Variants in PUDP observed in about 807,000 individuals in gnomAD.
PUDP encodes pseudouridine 5'-phosphatase.
PUDP carries 8 observed loss-of-function variants against 9.4 expected under a neutral mutation model. The ratio of observed to expected loss-of-function variants is 0.85; its 90% CI spans 0.50 to 1.53. The LOEUF is 1.53. Among genes scored for constraint, PUDP ranks in the 40% most tolerant of loss-of-function variants. PUDP has a pLI of 0.00. For synonymous variants in PUDP, 99 were observed against 80.7 expected, an observed-to-expected ratio of 1.23 and a Z score of -1.22; for missense variants, 188 against 189.7, an observed-to-expected ratio of 0.99 and a Z score of 0.05.
At chrX:7,117,118 C>T in intron 1 of PUDP, 3 of 1,107,421 alleles carry the variant, frequency 2.7e-6, no homozygotes, top group Non-Finnish European at 3.6e-6. Context: ...CAAGCACGGC[C>T]TAATACAGAA....
At chrX:6,934,073 G>C (rs1440153362) in intron 3 of PUDP, among the ~76,000 whole-genome samples, 2 of 99,943 alleles carry the variant, frequency 2.0e-5, no homozygotes, top group African/African-American at 7.4e-5. Flanking sequence ...GTATTATCCA[G>C]GAGAACTTCC....
intron 3 of PUDP, among the ~76,000 whole-genome samples, chrX:6,934,470 C>T (rs994499756): frequency 1.8e-5 from 2 of 109,791 alleles, no homozygotes; most frequent in East Asian, 2.9e-4. Flanking sequence ...CCTAAAAGAG[C>T]TCCTGAAGGA....
intron 3 of PUDP, among the ~76,000 whole-genome samples, chrX:6,815,056 C>G (rs1035837996): frequency 9.0e-6 from 1 of 110,573 alleles, no homozygotes; most frequent in Admixed American, 9.7e-5. Flanking sequence ...GACAACACGA[C>G]GGCTTCATGT....
At chrX:6,834,983 T>C (rs1926559842) in intron 3 of PUDP, among the ~76,000 whole-genome samples, 1 of 110,965 alleles carries the variant, frequency 9.0e-6, no homozygotes, top group Non-Finnish European at 1.9e-5. Flanking sequence ...ATTCAAACCA[T>C]AGCAAAAGGT....
At chrX:7,117,301 G>A (rs1487568116) in intron 1 of PUDP, among the ~76,000 whole-genome samples, 3 of 112,150 alleles carry the variant, frequency 2.7e-5, no homozygotes, top group Admixed American at 9.5e-5. Flanking sequence ...TGATCAAAAT[G>A]CTGATAGTGA....
At position 6,735,338 on chromosome X, in the gene PUDP, T is replaced by C. The variant is rs576615062; in HGVS notation, c.*248-28872A>G. On this transcript the variant is annotated intron_variant and NMD_transcript_variant, in intron 3 of 3. Coordinates refer to the PUDP transcript ENST00000655425. Reference sequence around the variant, plus strand: ...TGTCCACACTGCCCTCTTCTCCAGATGTTTTCAGTGACCAACCACCTCGGA... The same window carrying C: ...TGTCCACACTGCCCTCTTCTCCAGACGTTTTCAGTGACCAACCACCTCGGA... Among the ~76,000 whole-genome samples the C allele has an allele frequency of 2.7e-4, 30 of 111,472 alleles. No homozygotes were observed. In the South Asian group the frequency reaches 0.012, roughly 43 times the overall value.
chrX:7,087,756 G>C (rs761309340), intron 2 of PUDP, among the ~76,000 whole-genome samples: 43 of 112,218 alleles, frequency 3.8e-4, no homozygotes, highest in Non-Finnish European at 7.1e-4. Flanking sequence ...ACAAACAGTT[G>C]CAAGAGTCCA....
At chrX:6,925,810 CTCTG>C (rs1209590633) in intron 3 of PUDP, among the ~76,000 whole-genome samples, 2 of 111,518 alleles carry the variant, frequency 1.8e-5, no homozygotes, top group Admixed American at 9.6e-5. Context: ...AGCAGTAAGG[CTCTG>C]TCTAAAACCT....
rs1929651231 is a variant in PUDP at position 7,022,760 on chromosome X, T to A, written c.205-44417A>T. On this transcript the variant is annotated intron_variant and NMD_transcript_variant, in intron 1 of 3. Transcript: ENST00000655425. ...ACATATAAGTAAAGGAGGGATTTCC[T>A]CTTCTGGCCAAGAAGGAATAACATA... 2.7e-5 allele frequency among the ~76,000 whole-genome samples: 3 copies of A among 111,991 alleles called. No individual in the cohort carries two copies. In the Admixed American group the frequency reaches 2.8e-4, roughly 11 times the overall value.
chrX:6,712,423 T>C (rs1008576344), intron 1 of PUDP, among the ~76,000 whole-genome samples: 1 of 112,149 alleles, frequency 8.9e-6, no homozygotes, highest in Non-Finnish European at 1.9e-5. Context: ...ATGCTGGGAT[T>C]GCAGGCATGA....
At chrX:7,056,504 T>C (rs1436537034) in intron 3 of PUDP, among the ~76,000 whole-genome samples, 1 of 111,677 alleles carries the variant, frequency 9.0e-6, no homozygotes, top group African/African-American at 3.3e-5. Flanking sequence ...TTTAATTAAT[T>C]TTGTGATCAT....
chrX:6,929,586 G>A lies in PUDP; in HGVS notation c.*247+47547C>T, dbSNP rs746228293. Among the ~76,000 whole-genome samples the A allele has an allele frequency of 8.0e-5, 9 of 112,083 alleles. No homozygotes were observed. In the South Asian group the frequency reaches 3.0e-3, roughly 38 times the overall value. On this transcript the variant is annotated intron_variant and NMD_transcript_variant, in intron 3 of 3. Coordinates refer to the PUDP transcript ENST00000655425. ...GTAAATGTTTCTTATCAGACATAAGGAGCCAATTCTATTGGTAATTCCAAA... is the reference window on the plus strand; with the variant it reads ...GTAAATGTTTCTTATCAGACATAAGAAGCCAATTCTATTGGTAATTCCAAA...
chrX:6,761,571 A>C (rs1338392056), intron 3 of PUDP, among the ~76,000 whole-genome samples: 1 of 112,270 alleles, frequency 8.9e-6, no homozygotes, highest in Admixed American at 9.5e-5. Flanking sequence ...CTAGTCTTTA[A>C]AACAGTGCCC....
intron 3 of PUDP, among the ~76,000 whole-genome samples, chrX:6,828,238 C>A (rs756690104): frequency 2.7e-5 from 3 of 111,277 alleles, no homozygotes; most frequent in Non-Finnish European, 5.7e-5. Flanking sequence ...AAGATGTCAG[C>A]GAAAATAAGT....
intron 1 of PUDP, among the ~76,000 whole-genome samples, chrX:6,993,475 G>A (rs1445579540): frequency 8.9e-6 from 1 of 111,832 alleles, no homozygotes; most frequent in East Asian, 2.8e-4. Flanking sequence ...GAAAATATAG[G>A]AGAGGGTATT....
intron 3 of PUDP, among the ~76,000 whole-genome samples, chrX:6,841,869 C>G (rs1926676444): frequency 1.8e-5 from 2 of 110,823 alleles, no homozygotes; most frequent in African/African-American, 6.6e-5. Context: ...CCCTGATTAA[C>G]TAAAAGAAAT....
At chrX:6,732,651 G>T (rs1296899910) in intron 3 of PUDP, among the ~76,000 whole-genome samples, 2 of 107,309 alleles carry the variant, frequency 1.9e-5, no homozygotes, top group African/African-American at 6.8e-5. Context: ...GGGGAGGAAG[G>T]AAGGTAAAAG....
At chrX:6,778,836 C>A (rs1403877889) in intron 3 of PUDP, among the ~76,000 whole-genome samples, 1 of 112,159 alleles carries the variant, frequency 8.9e-6, no homozygotes, top group Non-Finnish European at 1.9e-5. Context: ...CCAGCTGGAG[C>A]CTTTATTTCA....
intron 3 of PUDP, among the ~76,000 whole-genome samples, chrX:6,900,903 G>A (rs1463884753): frequency 1.8e-5 from 2 of 109,899 alleles, no homozygotes; most frequent in South Asian, 4.0e-4. Flanking sequence ...TCAGCCTCCT[G>A]AGTAGCTGGG....
Sources: allele counts gnomAD v4.1 joint callset (sites outside exome capture counted in the v4.1 genomes callset), GRCh38; gene constraint gnomAD v4.1.1; transcripts MANE v1.5; gene names NCBI Gene and HGNC (gene_info 2026-07-23, HGNC 2026-07-21).